EBF2: variants seen among roughly 807,000 people sequenced by gnomAD.
EBF2 encodes the protein transcription factor COE2.
A neutral mutation model predicts 72.8 loss-of-function variants in EBF2; 21 were observed. The ratio of observed to expected loss-of-function variants is 0.29; its 90% CI spans 0.20 to 0.42. The LOEUF (loss-of-function observed/expected upper bound fraction) is 0.42, where lower values mean the gene tolerates loss of function less well. Among genes scored for constraint, EBF2 ranks in the 10% least tolerant of loss-of-function variants. The pLI is 1.00. For synonymous variants in EBF2, 299 were observed against 274.2 expected (o/e 1.09, Z -0.89); for missense variants, 637 against 731.2 (o/e 0.87, Z 1.49).
At chr8:25,988,778 T>C (rs1475017703) in intron 6 of EBF2, among the ~76,000 whole-genome samples, 5 of 152,186 alleles carry the variant, frequency 3.3e-5, no homozygotes, top group African/African-American at 1.2e-4. Flanking sequence ...ACTAGGACCA[T>C]TTTGCAGATA....
intron 10 of EBF2, among the ~76,000 whole-genome samples, chr8:25,863,465 A>G (rs972064319): frequency 6.6e-6 from 1 of 152,182 alleles, no homozygotes; most frequent in African/African-American, 2.4e-5. Flanking sequence ...GAGTGAATTA[A>G]TGAATGGCAT....
At chr8:25,894,339 C>T (rs1029253594) in intron 7 of EBF2, among the ~76,000 whole-genome samples, 7 of 152,132 alleles carry the variant, frequency 4.6e-5, no homozygotes, top group East Asian at 3.8e-4. Flanking sequence ...CACTGATATT[C>T]GTCTATTTGG....
intron 6 of EBF2, among the ~76,000 whole-genome samples, chr8:25,980,442 A>G (rs1327024961): frequency 6.6e-6 from 1 of 152,162 alleles, no homozygotes; most frequent in Non-Finnish European, 1.5e-5. Flanking sequence ...GGAAGGAAAG[A>G]AAAGAAAAAA....
intron 7 of EBF2, among the ~76,000 whole-genome samples, chr8:25,905,229 A>T (rs1402743369): frequency 6.6e-6 from 1 of 152,196 alleles, no homozygotes; most frequent in African/African-American, 2.4e-5. Context: ...ACCTTCACAG[A>T]TTACCAGTGG....
At chr8:25,848,606 A>G (rs1305329558) in intron 15 of EBF2, among the ~76,000 whole-genome samples, 1 of 152,170 alleles carries the variant, frequency 6.6e-6, no homozygotes, top group Non-Finnish European at 1.5e-5. Flanking sequence ...GCCAGGTAAA[A>G]TAGAGAAGAT....
At chr8:25,953,763 C>T (rs1298390471) in intron 6 of EBF2, among the ~76,000 whole-genome samples, 1 of 152,214 alleles carries the variant, frequency 6.6e-6, no homozygotes, top group African/African-American at 2.4e-5. Flanking sequence ...AGCCCACTCA[C>T]TGAGCACCCC....
intron 11 of EBF2, among the ~76,000 whole-genome samples, 154 bp from the exon 12 acceptor site, chr8:25,861,528 C>T (rs889767169): frequency 6.6e-6 from 1 of 152,194 alleles, no homozygotes; most frequent in African/African-American, 2.4e-5. Flanking sequence ...AGGTAGAATA[C>T]AATTGTACAT....
At chr8:25,996,109 T>A (rs1354220314) in intron 6 of EBF2, among the ~76,000 whole-genome samples, 3 of 152,018 alleles carry the variant, frequency 2.0e-5, no homozygotes, top group African/African-American at 7.2e-5. Context: ...GAGACCAGTT[T>A]GGGCAACATG....
At chr8:26,042,444 G>T (rs545708964) in intron 1 of EBF2, among the ~76,000 whole-genome samples, 193 bp from the exon 2 acceptor site, 3 of 152,288 alleles carry the variant, frequency 2.0e-5, no homozygotes, top group Admixed American at 1.3e-4. Context: ...GGCCACGGGG[G>T]TTGGGTGGCA....
chr8:25,956,290 T>C (rs536354727), intron 6 of EBF2, among the ~76,000 whole-genome samples: 1 of 151,938 alleles, frequency 6.6e-6, no homozygotes, highest in African/African-American at 2.4e-5. Flanking sequence ...TGGTGGCACA[T>C]GCCTGTAATC....
chr8:25,997,243 G>A (rs1260574576), intron 6 of EBF2, among the ~76,000 whole-genome samples: 1 of 152,020 alleles, frequency 6.6e-6, no homozygotes, highest in African/African-American at 2.4e-5. Flanking sequence ...CATTCTCTCA[G>A]ATTATCACCA....
At chr8:25,895,288 A>C (rs1230033867) in intron 7 of EBF2, among the ~76,000 whole-genome samples, 1 of 152,230 alleles carries the variant, frequency 6.6e-6, no homozygotes, top group Non-Finnish European at 1.5e-5. Flanking sequence ...TGAGAGAGAA[A>C]TCAGGATCAA....
intron 6 of EBF2, among the ~76,000 whole-genome samples, chr8:25,975,457 G>T (rs533264932): frequency 6.6e-6 from 1 of 152,096 alleles, no homozygotes; most frequent in Non-Finnish European, 1.5e-5. Flanking sequence ...ATTTTTCCCG[G>T]TTAAATAGTG....
intron 6 of EBF2, among the ~76,000 whole-genome samples, chr8:25,940,621 TA>T (rs33914806): frequency 0.8 from 118,455 of 147,406 alleles, 47,465 homozygotes; most frequent in Admixed American, 0.87. Context: ...ATGAAAAAAT[TA>T]AAAAAAAAAA....
chr8:26,018,882 T>C (rs1473679964), intron 6 of EBF2, among the ~76,000 whole-genome samples: 1 of 145,394 alleles, frequency 6.9e-6, no homozygotes, highest in Non-Finnish European at 1.5e-5. Flanking sequence ...GCCACATTAG[T>C]ATTATGGGTC....
chr8:25,974,751 C>A (rs562152216), intron 6 of EBF2, among the ~76,000 whole-genome samples: 1 of 152,142 alleles, frequency 6.6e-6, no homozygotes, highest in Non-Finnish European at 1.5e-5. Context: ...CCCCTGCCCC[C>A]CCATCCTACT....
intron 6 of EBF2, among the ~76,000 whole-genome samples, chr8:25,984,997 C>G (rs1373083565): frequency 6.6e-6 from 1 of 151,754 alleles, no homozygotes; most frequent in Non-Finnish European, 1.5e-5. Flanking sequence ...TTTCTTCTGT[C>G]TCCAGAAGAT....
chr8:25,861,239 A>C lies in EBF2; in HGVS notation c.1165-13T>G. On this transcript the variant is annotated splice_polypyrimidine_tract_variant and intron_variant, in intron 12 of 15. Transcript: ENST00000520164. ...TCAAAATGATGTCCTACAAAACAAC[A>C]GGTTAATGTGAGCATTCTATCCAGC... 3 of 1,612,942 alleles carry C rather than the reference A, an allele frequency of 1.9e-6. No homozygotes were observed. Among genetic ancestry groups the C allele is most frequent in the Middle Eastern group, 1.7e-4 (1 of 6,050 alleles).
At chr8:25,906,654 C>G (rs1803037807) in intron 7 of EBF2, among the ~76,000 whole-genome samples, 1 of 152,096 alleles carries the variant, frequency 6.6e-6, no homozygotes, top group South Asian at 2.1e-4. Context: ...GTAGTCCCAG[C>G]TACTCAGGAG....
Sources: gnomAD v4.1 joint callset for allele counts (sites outside exome capture counted in the v4.1 genomes callset) on GRCh38, gnomAD v4.1.1 for gene constraint, MANE v1.5 for transcripts, NCBI Gene and HGNC (gene_info 2026-07-23, HGNC 2026-07-21) for gene names.